ATXN7L1: variants seen among roughly 807,000 people sequenced by gnomAD.
The protein encoded by ATXN7L1 is ataxin 7 like 1.
ATXN7L1 carries 15 observed loss-of-function variants against 70.8 expected under a neutral mutation model. That is an observed-to-expected ratio of 0.21 (90% CI 0.14 to 0.33). The LOEUF is 0.33. Ranked by LOEUF, ATXN7L1 falls within the 10% of genes least tolerant of loss-of-function variation. The pLI is 1.00. For synonymous variants in ATXN7L1, 440 were observed against 445.1 expected, an observed-to-expected ratio of 0.99 and a Z score of 0.14; for missense variants, 975 against 1,097.1, an observed-to-expected ratio of 0.89 and a Z score of 1.57.
chr7:105,872,121 T>C lies in ATXN7L1; in HGVS notation c.250+3691A>G, dbSNP rs985011343. ...CATTCTCCTGCCTCAGCCTCCCAAG[T>C]AGCTGGGACTACAGGTGCGTGCCAC... On this transcript the variant is annotated intron_variant, in intron 2 of 11. Coordinates refer to ENST00000419735, the MANE Select transcript of ATXN7L1 (RefSeq NM_020725.2). Among the ~76,000 whole-genome samples, 128 of 152,208 alleles carry C rather than the reference T, an allele frequency of 8.4e-4. 1 individual carries two copies. The highest frequency in any genetic ancestry group is 2.9e-3 in the African/African-American group (120 of 41,536).
intron 3 of ATXN7L1, among the ~76,000 whole-genome samples, chr7:105,687,902 C>T (rs1790165044): frequency 6.6e-6 from 1 of 152,220 alleles, no homozygotes; most frequent in Non-Finnish European, 1.5e-5. Flanking sequence ...ACCATACCCA[C>T]TCACCCCAAG....
At chr7:105,675,009 C>T (rs116704896) in intron 3 of ATXN7L1, among the ~76,000 whole-genome samples, 134 of 152,218 alleles carry the variant, frequency 8.8e-4, no homozygotes, top group African/African-American at 3.0e-3. Flanking sequence ...TTCTGGAGAG[C>T]AACCTGGTGA....
At chr7:105,798,805 C>T (rs987908305) in intron 2 of ATXN7L1, among the ~76,000 whole-genome samples, 46 of 152,292 alleles carry the variant, frequency 3.0e-4, no homozygotes, top group African/African-American at 9.6e-4. Context: ...TCTTGAGATT[C>T]ACATGCTGAG....
At chr7:105,685,787 G>T (rs935499323) in intron 3 of ATXN7L1, among the ~76,000 whole-genome samples, 17 of 152,158 alleles carry the variant, frequency 1.1e-4, no homozygotes, top group Non-Finnish European at 2.9e-5. Context: ...GAACAACTAG[G>T]CTTTAGGCTC....
intron 3 of ATXN7L1, among the ~76,000 whole-genome samples, chr7:105,670,964 G>A (rs897058445): frequency 1.2e-4 from 18 of 152,042 alleles, no homozygotes; most frequent in Non-Finnish European, 2.4e-4. Context: ...AAATTAGCCC[G>A]GCGAGGTGGC....
intron 7 of ATXN7L1, among the ~76,000 whole-genome samples, chr7:105,625,149 G>C (rs1159401921): frequency 6.6e-6 from 1 of 152,132 alleles, no homozygotes; most frequent in Non-Finnish European, 1.5e-5. Context: ...CCTGGTGATG[G>C]GCCACTCATT....
At position 105,665,049 on chromosome 7, in the gene ATXN7L1, C is replaced by G; in HGVS notation, c.578+17G>C. 1.3e-6 allele frequency: 2 copies of G among 1,538,422 alleles called. No homozygotes were observed. Among genetic ancestry groups the G allele is most frequent in the Non-Finnish European group, 1.8e-6 (2 of 1,136,456 alleles). On this transcript the variant is annotated intron_variant, in intron 4 of 11. Coordinates refer to ENST00000419735, the MANE Select transcript of ATXN7L1 (RefSeq NM_020725.2). ...AGGGGGGACAGACAGCAGCTGGCTGCCAGCCAGCTGACTCACCATGGTTTA... is the reference window on the plus strand; with the variant it reads ...AGGGGGGACAGACAGCAGCTGGCTGGCAGCCAGCTGACTCACCATGGTTTA...
In ATXN7L1 at chr7:105,692,411, T is replaced by TTCCCTCCCTCCCTCCC. The variant is rs1554431637; in HGVS notation, c.356-27124_356-27123insGGGAGGGAGGGAGGGA. Among the ~76,000 whole-genome samples, 4 of 119,468 alleles carry TTCCCTCCCTCCCTCCC rather than the reference T, an allele frequency of 3.3e-5. No homozygotes were observed. The South Asian group carries it at 1.3e-3, about 39-fold the overall frequency. The allele number at this position is 119,468 out of a possible 152,430, so 78.4% of individuals were successfully genotyped here. ...CTTCCTTCCTTCCTTCCTTCCTTCCTTCCTTCCTTCCTTCCTCCCTCCCTC... is the reference window on the plus strand; with the variant it reads ...CTTCCTTCCTTCCTTCCTTCCTTCCTTCCCTCCCTCCCTCCCTCCTTCCTTCCTTCCTCCCTCCCTC... On this transcript the variant is annotated intron_variant, in intron 3 of 11. Coordinates refer to ENST00000419735, the MANE Select transcript of ATXN7L1 (RefSeq NM_020725.2).
chr7:105,635,266 C>A (rs775214963), intron 7 of ATXN7L1, among the ~76,000 whole-genome samples: 1 of 152,190 alleles, frequency 6.6e-6, no homozygotes, highest in Non-Finnish European at 1.5e-5. Context: ...CCACAACCCT[C>A]GGGCTTTTTG....
chr7:105,749,036 A>G (rs1798895183), intron 3 of ATXN7L1, among the ~76,000 whole-genome samples: 1 of 152,192 alleles, frequency 6.6e-6, no homozygotes. Context: ...GCTTGGGGGC[A>G]CAGGAATTCG....
intron 3 of ATXN7L1, among the ~76,000 whole-genome samples, chr7:105,761,957 G>C (rs773843727): frequency 3.3e-5 from 5 of 152,198 alleles, no homozygotes; most frequent in Non-Finnish European, 5.9e-5. Context: ...GGGGATGATA[G>C]GGGAGATAAG....
chr7:105,819,918 C>T (rs1809861634), intron 2 of ATXN7L1: 1 of 517,212 alleles, frequency 1.9e-6, no homozygotes, highest in South Asian at 1.5e-5. Context: ...GCCTGGCTCA[C>T]GAGGTTTGCT....
At chr7:105,685,215 A>G (rs943575551) in intron 3 of ATXN7L1, among the ~76,000 whole-genome samples, 3 of 152,214 alleles carry the variant, frequency 2.0e-5, no homozygotes, top group Non-Finnish European at 4.4e-5. Context: ...CTCTCCTTCC[A>G]GAATGTCTAT....
At chr7:105,733,498 C>A (rs1796812145) in intron 3 of ATXN7L1, among the ~76,000 whole-genome samples, 1 of 145,652 alleles carries the variant, frequency 6.9e-6, no homozygotes, top group African/African-American at 2.6e-5. Flanking sequence ...ATCCACCCAT[C>A]CATCCTTCCA....
intron 2 of ATXN7L1, among the ~76,000 whole-genome samples, chr7:105,801,112 G>C (rs993993772): frequency 1.3e-5 from 2 of 152,174 alleles, no homozygotes; most frequent in African/African-American, 4.8e-5. Context: ...ACACATGTCT[G>C]ATGTCTGATA....
chr7:105,779,988 G>A (rs1462653698), intron 3 of ATXN7L1, among the ~76,000 whole-genome samples: 1 of 152,080 alleles, frequency 6.6e-6, no homozygotes, highest in Non-Finnish European at 1.5e-5. Context: ...CAAGCCCCAC[G>A]CAATGGCAAT....
intron 3 of ATXN7L1, among the ~76,000 whole-genome samples, chr7:105,718,785 G>A (rs75270231): frequency 0.017 from 2,607 of 152,294 alleles, 36 homozygotes; most frequent in South Asian, 0.042. Flanking sequence ...CCAAGGCCTG[G>A]GTCCAGGCTA....
intron 2 of ATXN7L1, among the ~76,000 whole-genome samples, chr7:105,801,961 C>A (rs550830976): frequency 6.6e-6 from 1 of 152,226 alleles, no homozygotes; most frequent in Admixed American, 6.5e-5. Flanking sequence ...CGGAATGTGG[C>A]CCACGGCATT....
At chr7:105,780,492 GA>G (rs1195093112) in intron 3 of ATXN7L1, among the ~76,000 whole-genome samples, 1 of 150,342 alleles carries the variant, frequency 6.7e-6, no homozygotes, top group African/African-American at 2.4e-5. Context: ...TGAGAAGGAG[GA>G]AAAAAAATCT....
Sources: gnomAD v4.1 joint callset for allele counts (sites outside exome capture counted in the v4.1 genomes callset) on GRCh38, gnomAD v4.1.1 for gene constraint, MANE v1.5 for transcripts, NCBI Gene and HGNC (gene_info 2026-07-23, HGNC 2026-07-21) for gene names.